Variants in TRIP12 observed in about 807,000 individuals in gnomAD.
The protein encoded by TRIP12 is E3 ubiquitin-protein ligase TRIP12.
A neutral mutation model predicts 244.2 loss-of-function variants in TRIP12; 25 were observed. That is an observed-to-expected ratio of 0.10 (90% CI 0.07 to 0.14). TRIP12 has a LOEUF of 0.14. Ranked by LOEUF, TRIP12 falls within the 10% of genes least tolerant of loss-of-function variation. TRIP12 has a pLI of 1.00. For missense variants in TRIP12, 1,677 were observed against 2,486.4 expected (o/e 0.67, Z 6.92); for synonymous variants, 905 against 873.1 (o/e 1.04, Z -0.64).
chr2:229,886,589 C>G (rs1045805535), intron 1 of TRIP12, among the ~76,000 whole-genome samples: 1 of 151,952 alleles, frequency 6.6e-6, no homozygotes, highest in Non-Finnish European at 1.5e-5. Context: ...ACCTCAGCCT[C>G]CCGGGTAGCT....
chr2:229,789,773 A>G lies in TRIP12; in HGVS notation c.4544-11T>C. 1.2e-6 allele frequency: 2 copies of G among 1,613,148 alleles called. No homozygotes were observed. The highest frequency in any genetic ancestry group is 1.7e-6 in the Non-Finnish European group (2 of 1,179,518). On this transcript the variant is annotated splice_polypyrimidine_tract_variant and intron_variant, in intron 30 of 41. Transcript: ENST00000675903. ...ATGGGCACACTCCATCTAAAGGACA[A>G]AAGATCAAAGTAAGTTTTGATCAAA...
chr2:229,907,172 G>T (rs981378605), intron 1 of TRIP12, among the ~76,000 whole-genome samples: 1 of 152,106 alleles, frequency 6.6e-6, no homozygotes, highest in African/African-American at 2.4e-5. Flanking sequence ...TGAAAATAAG[G>T]CACCATTTAG....
chr2:229,848,051 T>C (rs983794801), intron 4 of TRIP12, among the ~76,000 whole-genome samples: 1 of 152,044 alleles, frequency 6.6e-6, no homozygotes, highest in African/African-American at 2.4e-5. Flanking sequence ...AGGCAGAAGT[T>C]TGAAACAATC....
At chr2:229,847,336 G>C (rs954903401) in intron 4 of TRIP12, among the ~76,000 whole-genome samples, 7 of 152,104 alleles carry the variant, frequency 4.6e-5, no homozygotes, top group Non-Finnish European at 1.0e-4. Flanking sequence ...TCAGAGCCTG[G>C]CCACATAACA....
intron 1 of TRIP12, among the ~76,000 whole-genome samples, chr2:229,892,874 A>C (rs1380115427): frequency 1.3e-5 from 2 of 152,164 alleles, no homozygotes; most frequent in Non-Finnish European, 2.9e-5. Flanking sequence ...TCGAAAAAAT[A>C]AAAATAAAAA....
In TRIP12 at chr2:229,801,270, A is replaced by G. The variant is rs75777414; in HGVS notation, c.3206+982T>C. ...TCAGCAGTTTCCTAAAATAATACCC[A>G]CTGTGCCAGAAGTTCAGTCTGCCAG... On this transcript the variant is annotated intron_variant, in intron 21 of 41. Coordinates refer to ENST00000675903, the MANE Select transcript of TRIP12 (RefSeq NM_001348323.3). 3.1e-3 allele frequency among the ~76,000 whole-genome samples: 470 copies of G among 152,280 alleles called. 15 individuals carry two copies. In the East Asian group the frequency reaches 0.06, roughly 19 times the overall value.
chr2:229,920,729 T>C (rs1260422113), intron 1 of TRIP12, among the ~76,000 whole-genome samples: 1 of 152,044 alleles, frequency 6.6e-6, no homozygotes, highest in Admixed American at 6.5e-5. Flanking sequence ...CCGATTTACA[T>C]GTGTTTTTAT....
intron 26 of TRIP12, 108 bp downstream of exon 26, chr2:229,795,071 A>C (rs2042483077): frequency 7.7e-7 from 1 of 1,302,324 alleles, no homozygotes. Flanking sequence ...TTACAGCTGA[A>C]TGTTTTCTGG....
At chr2:229,841,002 G>A in intron 4 of TRIP12, 75 bp from the exon 5 acceptor site, 2 of 1,100,786 alleles carry the variant, frequency 1.8e-6, no homozygotes, top group East Asian at 2.6e-5. Flanking sequence ...AAATTCTTCA[G>A]GTCATCATGT....
chr2:229,873,724 ATC>A (rs1350966656), intron 2 of TRIP12, among the ~76,000 whole-genome samples: 1 of 152,176 alleles, frequency 6.6e-6, no homozygotes, highest in Non-Finnish European at 1.5e-5. Context: ...GTTTAAAAAA[ATC>A]TCTGCTCTAA....
intron 27 of TRIP12, 23 bp from the exon 28 acceptor site, chr2:229,792,249 A>C (rs765054735): frequency 1.2e-6 from 2 of 1,609,124 alleles, no homozygotes; most frequent in East Asian, 4.5e-5. Flanking sequence ...GTAGACTTTT[A>C]AACTCTTAGC....
At chr2:229,793,354 T>C in intron 26 of TRIP12, 3 of 405,092 alleles carry the variant, frequency 7.4e-6, no homozygotes, top group Non-Finnish European at 1.3e-5. Context: ...CGGATGTGTA[T>C]GCATGCATAT....
chr2:229,827,809 A>G (rs2052142535), intron 8 of TRIP12, among the ~76,000 whole-genome samples: 1 of 152,190 alleles, frequency 6.6e-6, no homozygotes, highest in African/African-American at 2.4e-5. Context: ...TTCTTAAAAT[A>G]TTGTAAGATT....
In TRIP12 at chr2:229,795,225, G is replaced by A. The variant is rs1559455095; in HGVS notation, c.3922C>T (p.Pro1308Ser). 10 of 1,614,024 alleles carry A rather than the reference G, an allele frequency of 6.2e-6. No individual in the cohort carries two copies. The highest frequency in any genetic ancestry group is 8.5e-6 in the Non-Finnish European group (10 of 1,179,954). Reference protein sequence around the residue: ...NNCLSQMEQFPVKVHDFPSGN... With the variant: ...NNCLSQMEQFSVKVHDFPSGN... Reference sequence around the variant, plus strand: ...CTAGGGAAATCATGTACTTTGACTGGAAATTGTTCCATCTGGCTGAGGCAG... The same window carrying A: ...CTAGGGAAATCATGTACTTTGACTGAAAATTGTTCCATCTGGCTGAGGCAG... Residue 1308 changes from proline (P) to serine (S), a missense_variant, in exon 26 of 42, where the codon CCA (proline) becomes TCA (serine). Pro to Ser is a moderately conservative substitution (Grantham distance 74). Coordinates refer to ENST00000675903, the MANE Select transcript of TRIP12 (RefSeq NM_001348323.3).
intron 2 of TRIP12, among the ~76,000 whole-genome samples, chr2:229,869,686 T>C (rs1401517256): frequency 6.6e-6 from 1 of 152,196 alleles, no homozygotes; most frequent in African/African-American, 2.4e-5. Context: ...AATATAATCT[T>C]ATACTGATGT....
intron 5 of TRIP12, among the ~76,000 whole-genome samples, chr2:229,839,428 A>G (rs1015118553): frequency 6.6e-6 from 1 of 152,162 alleles, no homozygotes; most frequent in Non-Finnish European, 1.5e-5. Context: ...TTGTAATCCC[A>G]GCACTTTGGG....
At chr2:229,797,557 G>T in intron 24 of TRIP12, 133 bp downstream of exon 24, 1 of 1,002,040 alleles carries the variant, frequency 1.0e-6, no homozygotes, top group Non-Finnish European at 1.4e-6. Flanking sequence ...CCAGCACCAA[G>T]GGTGTATATA....
chr2:229,791,289 T>G, intron 29 of TRIP12, 38 bp from the exon 30 acceptor site: 2 of 1,610,096 alleles, frequency 1.2e-6, no homozygotes, highest in Non-Finnish European at 1.7e-6. Flanking sequence ...AAATGTAGAT[T>G]TTGAAACTGA....
intron 34 of TRIP12, among the ~76,000 whole-genome samples, chr2:229,783,789 G>GA (rs1559371525): frequency 2.2e-5 from 3 of 133,680 alleles, no homozygotes; most frequent in Non-Finnish European, 4.8e-5. Flanking sequence ...AATAAAAGTT[G>GA]AAAATAACCA....
Sources: allele counts gnomAD v4.1 joint callset (sites outside exome capture counted in the v4.1 genomes callset), GRCh38; gene constraint gnomAD v4.1.1; transcripts MANE v1.5; gene names NCBI Gene and HGNC (gene_info 2026-07-23, HGNC 2026-07-21).